The following INTU variants were observed in gnomAD, a reference collection of about 807,000 sequenced individuals.
The protein encoded by INTU is protein inturned.
In INTU, 68 loss-of-function variants were observed where a neutral mutation model predicts 100.5. The ratio of observed to expected loss-of-function variants is 0.68; its 90% CI spans 0.56 to 0.83. The LOEUF is 0.83. Among genes scored for constraint, INTU ranks in the 40% least tolerant of loss-of-function variants. The pLI, the probability that INTU is intolerant of heterozygous loss-of-function variation, is 0.00. For synonymous variants in INTU, 357 were observed against 395.7 expected, an observed-to-expected ratio of 0.90 and a Z score of 1.16; for missense variants, 1,071 against 1,114.7, an observed-to-expected ratio of 0.96 and a Z score of 0.56.
intron 2 of INTU, among the ~76,000 whole-genome samples, chr4:127,655,789 A>G (rs1049815945): frequency 1.8e-4 from 28 of 152,332 alleles, no homozygotes; most frequent in Admixed American, 9.8e-4. Context: ...TACCTAAGCA[A>G]GCCTGGGCAA....
chr4:127,709,711 T>TCACACA (rs3066389), intron 13 of INTU, among the ~76,000 whole-genome samples: 22,486 of 143,230 alleles, frequency 0.16, 1,948 homozygotes, highest in Admixed American at 0.2. Context: ...CTAATAGAAT[T>TCACACA]CACACACACA....
At chr4:127,687,621 C>A in intron 7 of INTU, 57 bp from the exon 8 acceptor site, 1 of 1,444,140 alleles carries the variant, frequency 6.9e-7, no homozygotes. Context: ...TAGGAGCACA[C>A]AAAAAATGAC....
intron 6 of INTU, among the ~76,000 whole-genome samples, chr4:127,677,063 G>T (rs991951582): frequency 1.3e-5 from 2 of 152,192 alleles, no homozygotes; most frequent in Admixed American, 6.5e-5. Flanking sequence ...GCCCGCCATT[G>T]CCCAGGCTTG....
chr4:127,706,486 G>GAA lies in INTU; in HGVS notation c.1790_1791dup (p.His598AsnfsTer9). 1 of 1,588,588 alleles carries GAA rather than the reference G, an allele frequency of 6.3e-7. No individual in the cohort carries two copies. The highest frequency in any genetic ancestry group is 8.6e-7 in the Non-Finnish European group (1 of 1,167,020). ...TACATTTGTAATTTTTTTCCCTATAGAAACATTATATGCTATGTGTACTAT... is the reference window on the plus strand; with the variant it reads ...TACATTTGTAATTTTTTTCCCTATAGAAAAACATTATATGCTATGTGTACTAT... On this transcript the variant is annotated frameshift_variant and splice_region_variant. Transcript: ENST00000335251. LOFTEE classifies it high-confidence loss of function.
In INTU at chr4:127,716,451, T is replaced by C. The variant is rs1451660258; in HGVS notation, c.*15T>C. 1 of 1,312,046 alleles carries C rather than the reference T, an allele frequency of 7.6e-7. No individual in the cohort carries two copies. The highest frequency in any genetic ancestry group is 2.4e-5 in the East Asian group (1 of 42,416). 81.3% of individuals were successfully genotyped at this position (1,312,046 alleles called of 1,614,324 possible). ...TAACCTTGTAGCTGTGCTTTCTTGATGCGTAGAAACACGTGCATGGAGGAT... is the reference window on the plus strand; with the variant it reads ...TAACCTTGTAGCTGTGCTTTCTTGACGCGTAGAAACACGTGCATGGAGGAT... On this transcript the variant is annotated 3_prime_UTR_variant, in exon 16 of 16. Transcript: ENST00000335251.
At chr4:127,649,367 G>A (rs1727728917) in intron 2 of INTU, among the ~76,000 whole-genome samples, 4 of 152,170 alleles carry the variant, frequency 2.6e-5, no homozygotes, top group South Asian at 2.1e-4. Context: ...TGAAAAGACA[G>A]TCTAGAACAA....
chr4:127,668,743 T>G (rs993747459), intron 4 of INTU, among the ~76,000 whole-genome samples: 5 of 151,856 alleles, frequency 3.3e-5, no homozygotes, highest in Non-Finnish European at 7.4e-5. Context: ...GATTAAAGTT[T>G]AAAACTGTTT....
intron 6 of INTU, among the ~76,000 whole-genome samples, chr4:127,682,758 AAAAAAT>A (rs1729638715): frequency 3.3e-5 from 5 of 152,074 alleles, no homozygotes; most frequent in Admixed American, 2.0e-4. Context: ...ATAATAAAAT[AAAAAAT>A]AAAAATAAAT....
intron 4 of INTU, among the ~76,000 whole-genome samples, chr4:127,667,145 C>T (rs1217372332): frequency 5.9e-5 from 9 of 152,078 alleles, no homozygotes; most frequent in East Asian, 1.9e-4. Flanking sequence ...CTTTCTAAGT[C>T]GTTTTGGAGT....
intron 2 of INTU, among the ~76,000 whole-genome samples, chr4:127,647,904 A>G (rs1727661432): frequency 6.6e-6 from 1 of 151,836 alleles, no homozygotes; most frequent in South Asian, 2.1e-4. Context: ...ACTTTTGCAT[A>G]TATATTTTCA....
At chr4:127,651,274 T>TAG (rs1727859490) in intron 2 of INTU, among the ~76,000 whole-genome samples, 1 of 152,200 alleles carries the variant, frequency 6.6e-6, no homozygotes, top group South Asian at 2.1e-4. Context: ...TTTGGTGTTT[T>TAG]AGTCATGAAG....
intron 8 of INTU, 42 bp from the exon 9 acceptor site, chr4:127,699,968 G>T (rs780624229): frequency 1.4e-6 from 2 of 1,458,560 alleles, no homozygotes; most frequent in South Asian, 1.4e-5. Flanking sequence ...TAACTAATAT[G>T]AGTCAAATGT....
At chr4:127,668,994 G>C (rs1159524770) in intron 4 of INTU, 42 bp from the exon 5 acceptor site, 1 of 896,006 alleles carries the variant, frequency 1.1e-6, no homozygotes, top group African/African-American at 1.7e-5. Flanking sequence ...AAAGATAATG[G>C]TTGGAAAATT....
At chr4:127,669,239 A>G in intron 5 of INTU, 85 bp downstream of exon 5, 2 of 628,130 alleles carry the variant, frequency 3.2e-6, no homozygotes, top group Non-Finnish European at 5.7e-6. Context: ...AGTATCTGGT[A>G]TACAAATATA....
In INTU at chr4:127,716,703, A is replaced by T. The variant is rs1220424959; in HGVS notation, c.*267A>T. ...CTATTTTGGTATATAATGTTAATTT[A>T]TTGACTAGTTTGAAATAATGTGAAG... is the stretch of plus-strand genomic sequence containing the variant. On this transcript the variant is annotated 3_prime_UTR_variant, in exon 16 of 16. Coordinates refer to ENST00000335251, the MANE Select transcript of INTU (RefSeq NM_015693.4). 2 of 215,824 alleles carry T rather than the reference A, an allele frequency of 9.3e-6. No homozygotes were observed. Among genetic ancestry groups the T allele is most frequent in the Non-Finnish European group, 1.8e-5 (2 of 110,362 alleles). 13.4% of individuals were successfully genotyped at this position (215,824 alleles called of 1,614,324 possible).
rs73847031 is a variant in INTU, at chr4:127,661,141, G to A, written c.769-2240G>A. Among the ~76,000 whole-genome samples the A allele has an allele frequency of 9.9e-3, 1,509 of 152,184 alleles. 20 individuals are homozygous for A. The highest frequency in any genetic ancestry group is 0.034 in the African/African-American group (1,402 of 41,520). On this transcript the variant is annotated intron_variant, in intron 3 of 15. Transcript: ENST00000335251. ...CCTAAGGAATTTTAATGGATGGTTC[G>A]GTGGTGTGTGTTTTTGTTTGAGTTT...
At chr4:127,672,460 G>A (rs748515412) in intron 5 of INTU, among the ~76,000 whole-genome samples, 2 of 120,528 alleles carry the variant, frequency 1.7e-5, no homozygotes, top group Non-Finnish European at 3.3e-5. Flanking sequence ...TTCTCTGTGC[G>A]GTGTTGCTTT....
chr4:127,690,178 T>C (rs1264049667), intron 8 of INTU, among the ~76,000 whole-genome samples: 1 of 152,244 alleles, frequency 6.6e-6, no homozygotes, highest in Non-Finnish European at 1.5e-5. Flanking sequence ...ACAGATTCCA[T>C]GTGAAGGCTA....
chr4:127,680,731 A>G (rs1414540295), intron 6 of INTU, among the ~76,000 whole-genome samples: 1 of 148,680 alleles, frequency 6.7e-6, no homozygotes, highest in Non-Finnish European at 1.5e-5. Context: ...TATTCAACAT[A>G]GTGTTGGAAG....
Sources: gnomAD v4.1 joint callset for allele counts (sites outside exome capture counted in the v4.1 genomes callset) on GRCh38, gnomAD v4.1.1 for gene constraint, MANE v1.5 for transcripts, NCBI Gene and HGNC (gene_info 2026-07-23, HGNC 2026-07-21) for gene names.